Variants in DCLK1 observed in about 807,000 individuals in gnomAD.
DCLK1 encodes doublecortin like kinase 1.
In DCLK1, 16 loss-of-function variants were observed where a neutral mutation model predicts 86.2. That is an observed-to-expected ratio of 0.19 (90% CI 0.13 to 0.28). DCLK1 has a LOEUF of 0.28. Ranked by LOEUF, DCLK1 falls within the 10% of genes least tolerant of loss-of-function variation. DCLK1 has a pLI of 1.00. For missense variants in DCLK1, 590 were observed against 940.2 expected, an observed-to-expected ratio of 0.63 and a Z score of 4.87; for synonymous variants, 369 against 370.5, an observed-to-expected ratio of 1.00 and a Z score of 0.05.
chr13:36,067,247 T>C (rs1883789465), intron 3 of DCLK1, among the ~76,000 whole-genome samples: 1 of 143,610 alleles, frequency 7.0e-6, no homozygotes, highest in Admixed American at 7.1e-5. Flanking sequence ...GATGAGTTCA[T>C]GTCCTTTGTA....
At chr13:36,066,874 G>A (rs1342624347) in intron 3 of DCLK1, among the ~76,000 whole-genome samples, 2 of 151,278 alleles carry the variant, frequency 1.3e-5, no homozygotes, top group Non-Finnish European at 3.0e-5. Context: ...TCTCACACCA[G>A]TTAGAATGGC....
chr13:35,955,945 A>C (rs559146047), intron 3 of DCLK1, among the ~76,000 whole-genome samples: 2 of 152,232 alleles, frequency 1.3e-5, no homozygotes, highest in African/African-American at 4.8e-5. Flanking sequence ...TGGGAAAGAG[A>C]GGTATGAAGA....
chr13:35,788,103 G>A (rs1274910741), intron 16 of DCLK1: 3 of 1,005,090 alleles, frequency 3.0e-6, no homozygotes, highest in Admixed American at 1.7e-5. Context: ...GCAGCATATG[G>A]ACTGGATAAC....
intron 6 of DCLK1, among the ~76,000 whole-genome samples, chr13:35,851,995 A>ATGTGTGTGTGTGTGTG (rs1555344390): frequency 6.1e-4 from 87 of 143,626 alleles, no homozygotes; most frequent in African/African-American, 2.1e-3. Flanking sequence ...ATGTGTGTGT[A>ATGTGTGTGTGTGTGTG]TGTGTGTGTG....
intron 15 of DCLK1, among the ~76,000 whole-genome samples, chr13:35,797,130 C>T (rs556445874): frequency 3.3e-5 from 5 of 152,258 alleles, no homozygotes; most frequent in South Asian, 2.1e-4. Flanking sequence ...TAGAGTTGCA[C>T]GGAGCCAACA....
chr13:36,049,790 CA>C (rs1288874800), intron 3 of DCLK1, among the ~76,000 whole-genome samples: 1 of 151,698 alleles, frequency 6.6e-6, no homozygotes, highest in African/African-American at 2.4e-5. Context: ...GGAAAGAGAG[CA>C]AAAGTAACAA....
chr13:35,992,652 C>G (rs1880286829), intron 3 of DCLK1, among the ~76,000 whole-genome samples: 1 of 152,142 alleles, frequency 6.6e-6, no homozygotes, highest in Non-Finnish European at 1.5e-5. Context: ...AAAACCCCAG[C>G]ATCATTGTTG....
intron 4 of DCLK1, among the ~76,000 whole-genome samples, chr13:35,923,407 G>T (rs1382923937): frequency 6.6e-6 from 1 of 151,594 alleles, no homozygotes; most frequent in Non-Finnish European, 1.5e-5. Context: ...CCCCTGAGCT[G>T]TTGAAGGGCA....
intron 3 of DCLK1, among the ~76,000 whole-genome samples, chr13:36,059,728 G>A (rs903472187): frequency 1.1e-4 from 17 of 151,958 alleles, no homozygotes. Flanking sequence ...ACAAGTAGTT[G>A]GAATAAAAGA....
chr13:35,944,523 A>T (rs1877260547), intron 4 of DCLK1, among the ~76,000 whole-genome samples: 1 of 152,228 alleles, frequency 6.6e-6, no homozygotes, highest in South Asian at 2.1e-4. Context: ...GCGCTAGAAC[A>T]TGCTGTACAA....
chr13:35,941,996 CT>C (rs1186054958), intron 4 of DCLK1, among the ~76,000 whole-genome samples: 1 of 151,812 alleles, frequency 6.6e-6, no homozygotes, highest in Non-Finnish European at 1.5e-5. Context: ...TTCTTTCTAT[CT>C]TTCTTTCACA....
At chr13:35,843,653 C>G (rs1377994190) in intron 6 of DCLK1, among the ~76,000 whole-genome samples, 1 of 152,190 alleles carries the variant, frequency 6.6e-6, no homozygotes, top group Non-Finnish European at 1.5e-5. Flanking sequence ...GAGAATTGAT[C>G]TAATCAAGGT....
intron 3 of DCLK1, among the ~76,000 whole-genome samples, chr13:35,984,949 T>C (rs1044075543): frequency 6.6e-5 from 10 of 151,758 alleles, no homozygotes; most frequent in African/African-American, 2.4e-4. Flanking sequence ...GGTGTGGCAG[T>C]GCCCTGGTCC....
At chr13:35,979,207 G>A (rs1879514978) in intron 3 of DCLK1, among the ~76,000 whole-genome samples, 1 of 152,176 alleles carries the variant, frequency 6.6e-6, no homozygotes, top group South Asian at 2.1e-4. Context: ...CAAAAAGGCA[G>A]TAGCCCAAGG....
chr13:35,845,995 G>A, intron 6 of DCLK1: 1 of 985,362 alleles, frequency 1.0e-6, no homozygotes. Context: ...TGAAACACAA[G>A]GTACAACATT....
chr13:35,866,049 T>G (rs1199904773), intron 5 of DCLK1, among the ~76,000 whole-genome samples: 1 of 152,126 alleles, frequency 6.6e-6, no homozygotes, highest in East Asian at 1.9e-4. Flanking sequence ...GCCAGCCTTG[T>G]GTGTCTAGAG....
intron 3 of DCLK1, among the ~76,000 whole-genome samples, chr13:35,974,810 A>C (rs1879251660): frequency 6.6e-6 from 1 of 152,166 alleles, no homozygotes; most frequent in Admixed American, 6.5e-5. Context: ...GAGGCCTCAG[A>C]TGGAACCAAC....
At chr13:36,092,470 C>T (rs1222676873) in intron 3 of DCLK1, among the ~76,000 whole-genome samples, 11 of 148,062 alleles carry the variant, frequency 7.4e-5, no homozygotes, top group African/African-American at 2.7e-4. Flanking sequence ...GTCTCTTATC[C>T]GAGAGGCGTT....
At chr13:36,115,880 T>C (rs1593904728) in intron 2 of DCLK1, among the ~76,000 whole-genome samples, 2 of 149,786 alleles carry the variant, frequency 1.3e-5, no homozygotes, top group East Asian at 3.9e-4. Flanking sequence ...TAAGTAAGCA[T>C]ACTAGATTAT....
Sources: gnomAD v4.1 joint callset for allele counts (sites outside exome capture counted in the v4.1 genomes callset) on GRCh38, gnomAD v4.1.1 for gene constraint, MANE v1.5 for transcripts, NCBI Gene and HGNC (gene_info 2026-07-23, HGNC 2026-07-21) for gene names.